CIMIP5: variants seen among roughly 807,000 people sequenced by gnomAD.
The protein encoded by CIMIP5 is ciliary microtubule inner protein 5.
At chr2:11,150,589 C>T in the CIMIP5 span, among the ~76,000 whole-genome samples, 1 of 151,856 alleles carries the variant, frequency 6.6e-6, no homozygotes, top group Non-Finnish European at 1.5e-5. Flanking sequence ...GCCTCAGCCT[C>T]CCAAAGTGCT....
the CIMIP5 span, among the ~76,000 whole-genome samples, chr2:11,149,747 A>G: frequency 6.6e-6 from 1 of 152,078 alleles, no homozygotes; most frequent in Non-Finnish European, 1.5e-5. Context: ...ATAAAAATAA[A>G]AAAAGTCAAT....
At chr2:11,153,640 C>T in the CIMIP5 span, among the ~76,000 whole-genome samples, 1 of 152,248 alleles carries the variant, frequency 6.6e-6, no homozygotes, top group Non-Finnish European at 1.5e-5. Context: ...GTCATTGCTG[C>T]TGATGCTTGT....
chr2:11,152,000 T>G, the CIMIP5 span, among the ~76,000 whole-genome samples: 1 of 152,178 alleles, frequency 6.6e-6, no homozygotes. Context: ...TGCTGATTGG[T>G]GAGGATGGAG....
At chr2:11,153,711 C>A in the CIMIP5 span, among the ~76,000 whole-genome samples, 1 of 152,126 alleles carries the variant, frequency 6.6e-6, no homozygotes, top group East Asian at 1.9e-4. Flanking sequence ...CTTTGGGAGG[C>A]CAAGGCAGGT....
the CIMIP5 span, among the ~76,000 whole-genome samples, chr2:11,151,487 C>T: frequency 1.6e-4 from 25 of 152,212 alleles, no homozygotes; most frequent in African/African-American, 5.3e-4. Context: ...TCACCTTGCC[C>T]GCTGCCTAGA....
At chr2:11,148,673 CAAAT>C in the CIMIP5 span, among the ~76,000 whole-genome samples, 1,529 of 149,620 alleles carry the variant, frequency 0.01, 26 homozygotes, top group African/African-American at 0.036. Flanking sequence ...ATAACAATAA[CAAAT>C]AATCCATGGG....
the CIMIP5 span, chr2:11,133,658 G>A: frequency 1.3e-6 from 2 of 1,533,232 alleles, no homozygotes; most frequent in African/African-American, 1.4e-5. Context: ...GAAGGTTTTG[G>A]AGAAAGGGAG....
At chr2:11,134,707 A>G in the CIMIP5 span, among the ~76,000 whole-genome samples, 20 of 152,230 alleles carry the variant, frequency 1.3e-4, no homozygotes, top group African/African-American at 4.8e-4. Flanking sequence ...TCATTTGTCA[A>G]TGGACTTTTA....
At chr2:11,135,646 G>T in the CIMIP5 span, among the ~76,000 whole-genome samples, 7 of 114,228 alleles carry the variant, frequency 6.1e-5, no homozygotes, top group East Asian at 1.1e-3. Context: ...GGCCAGGCTG[G>T]TTTTTTTTGG....
the CIMIP5 span, among the ~76,000 whole-genome samples, chr2:11,140,783 CA>C: frequency 6.6e-6 from 1 of 152,046 alleles, no homozygotes; most frequent in Admixed American, 6.6e-5. Flanking sequence ...TAAGATGAAC[CA>C]ATTGGAAATG....
At chr2:11,153,597 G>A in the CIMIP5 span, among the ~76,000 whole-genome samples, 1 of 152,350 alleles carries the variant, frequency 6.6e-6, no homozygotes, top group Admixed American at 6.5e-5. Context: ...CTGGCACGCA[G>A]GAGGCACTCA....
the CIMIP5 span, chr2:11,133,700 G>C: frequency 2.1e-6 from 3 of 1,457,962 alleles, no homozygotes; most frequent in South Asian, 4.2e-5. Flanking sequence ...CTGAGGGACA[G>C]AGGGCATGGC....
At chr2:11,149,880 G>C in the CIMIP5 span, among the ~76,000 whole-genome samples, 2 of 152,324 alleles carry the variant, frequency 1.3e-5, no homozygotes, top group Admixed American at 6.5e-5. Context: ...TAACACCATT[G>C]TATCAGTGAG....
At chr2:11,133,484 G>A in the CIMIP5 span, 2 of 1,608,624 alleles carry the variant, frequency 1.2e-6, no homozygotes, top group South Asian at 2.2e-5. Flanking sequence ...AGGCCCCCCA[G>A]GCTCTGAAGG....
the CIMIP5 span, among the ~76,000 whole-genome samples, chr2:11,141,309 A>C: frequency 6.6e-6 from 1 of 151,882 alleles, no homozygotes; most frequent in African/African-American, 2.4e-5. Context: ...TTGTATTTTT[A>C]GTAGAGAGGG....
chr2:11,133,153 C>T, the CIMIP5 span: 5 of 645,528 alleles, frequency 7.7e-6, no homozygotes, highest in Non-Finnish European at 1.2e-5. Context: ...GCCCGGAGAG[C>T]CCTGTCCCCA....
At chr2:11,135,669 T>G in the CIMIP5 span, among the ~76,000 whole-genome samples, 5 of 1,172 alleles carry the variant, frequency 4.3e-3, no homozygotes, top group South Asian at 0.065. Flanking sequence ...TTTTTTTGGT[T>G]TTTTTTTTTT....
the CIMIP5 span, among the ~76,000 whole-genome samples, chr2:11,136,577 G>A: frequency 6.6e-6 from 1 of 152,166 alleles, no homozygotes; most frequent in African/African-American, 2.4e-5. Flanking sequence ...AGAAGGGGAG[G>A]ATGAGGACTG....
chr2:11,149,199 C>T, the CIMIP5 span, among the ~76,000 whole-genome samples: 1 of 152,000 alleles, frequency 6.6e-6, no homozygotes, highest in African/African-American at 2.4e-5. Context: ...GAAGATACTG[C>T]CTTAACCAAA....
Sources: gnomAD v4.1 joint callset for allele counts (sites outside exome capture counted in the v4.1 genomes callset) on GRCh38, gnomAD v4.1.1 for gene constraint, MANE v1.5 for transcripts, NCBI Gene and HGNC (gene_info 2026-07-23, HGNC 2026-07-21) for gene names.